Variants in KLHL29 observed in about 807,000 individuals in gnomAD.
KLHL29 encodes the protein kelch-like protein 29.
A neutral mutation model predicts 80.4 loss-of-function variants in KLHL29; 21 were observed. The ratio of observed to expected loss-of-function variants is 0.26; its 90% CI spans 0.19 to 0.38. The LOEUF (loss-of-function observed/expected upper bound fraction) is 0.38, where lower values mean the gene tolerates loss of function less well. Ranked by LOEUF, KLHL29 falls within the 10% of genes least tolerant of loss-of-function variation. The probability of loss-of-function intolerance (pLI) is 1.00; values close to 1 mark genes in which losing one functional copy is unlikely to be tolerated. For synonymous variants in KLHL29, 511 were observed against 526.8 expected (o/e 0.97, Z 0.41); for missense variants, 867 against 1,223.9 (o/e 0.71, Z 4.35).
intron 8 of KLHL29, 61 bp downstream of exon 8, chr2:23,693,589 G>C: frequency 6.7e-7 from 1 of 1,491,480 alleles, no homozygotes; most frequent in Non-Finnish European, 9.1e-7. Context: ...TGCGGCAATG[G>C]GGTCTGCAGC....
At chr2:23,649,228 C>T (rs1670021707) in intron 5 of KLHL29, among the ~76,000 whole-genome samples, 1 of 152,178 alleles carries the variant, frequency 6.6e-6, no homozygotes, top group Non-Finnish European at 1.5e-5. Flanking sequence ...CCTGACTTTC[C>T]AGCCCCCACT....
chr2:23,601,610 C>T (rs1003163075), intron 3 of KLHL29, among the ~76,000 whole-genome samples: 21 of 152,344 alleles, frequency 1.4e-4, no homozygotes, highest in South Asian at 6.2e-4. Context: ...GATGTCCTGA[C>T]ATCTTCTAGA....
intron 13 of KLHL29, among the ~76,000 whole-genome samples, chr2:23,705,907 CAGTG>C (rs984996646): frequency 1.3e-5 from 2 of 152,160 alleles, no homozygotes; most frequent in Admixed American, 1.3e-4. Flanking sequence ...AGGAGCAAGC[CAGTG>C]AGTGTCACAC....
chr2:23,612,360 G>A (rs950051711), intron 3 of KLHL29, among the ~76,000 whole-genome samples: 11 of 152,178 alleles, frequency 7.2e-5, no homozygotes, highest in Non-Finnish European at 1.3e-4. Context: ...TTGCCAGCTC[G>A]GAATTCTATA....
intron 3 of KLHL29, among the ~76,000 whole-genome samples, chr2:23,636,310 A>G (rs1184685775): frequency 2.0e-5 from 3 of 152,190 alleles, no homozygotes; most frequent in African/African-American, 7.2e-5. Context: ...AATAAAATAC[A>G]TAAAATTCCT....
At chr2:23,640,949 TGA>T (rs904550692) in intron 4 of KLHL29, among the ~76,000 whole-genome samples, 19 of 152,198 alleles carry the variant, frequency 1.2e-4, no homozygotes, top group African/African-American at 4.6e-4. Flanking sequence ...ATTTTCTTTC[TGA>T]GAGGGAGCTC....
intron 3 of KLHL29, among the ~76,000 whole-genome samples, chr2:23,615,552 G>C (rs1451448810): frequency 2.6e-5 from 4 of 152,162 alleles, no homozygotes; most frequent in Admixed American, 2.6e-4. Context: ...GAGCCGCACT[G>C]CCTCTCACGG....
chr2:23,436,693 C>T (rs1215429358), intron 1 of KLHL29, among the ~76,000 whole-genome samples: 2 of 152,212 alleles, frequency 1.3e-5, no homozygotes, highest in Non-Finnish European at 2.9e-5. Context: ...CTTGAAAATG[C>T]ATTGGAGATG....
intron 1 of KLHL29, among the ~76,000 whole-genome samples, chr2:23,392,773 G>A (rs1283137168): frequency 1.3e-5 from 2 of 152,172 alleles, no homozygotes; most frequent in East Asian, 3.8e-4. Flanking sequence ...ATGCGCCTAT[G>A]TCTTTGTTTT....
At chr2:23,504,051 C>CT (rs1397614807) in intron 2 of KLHL29, among the ~76,000 whole-genome samples, 1 of 152,052 alleles carries the variant, frequency 6.6e-6, no homozygotes, top group Non-Finnish European at 1.5e-5. Flanking sequence ...TCTGGACATC[C>CT]TACTGGGAGC....
At chr2:23,509,238 C>T (rs1020635553) in intron 2 of KLHL29, among the ~76,000 whole-genome samples, 6 of 152,142 alleles carry the variant, frequency 3.9e-5, no homozygotes, top group African/African-American at 1.2e-4. Flanking sequence ...ATTTCTGCCT[C>T]CACACTGCAA....
intron 1 of KLHL29, among the ~76,000 whole-genome samples, chr2:23,403,720 A>AGT (rs1166505896): frequency 5.7e-5 from 8 of 140,590 alleles, no homozygotes; most frequent in African/African-American, 2.3e-4. Context: ...AAAGAGAGAG[A>AGT]GAGAGAGTGT....
At chr2:23,418,451 C>T (rs1662669242) in intron 1 of KLHL29, among the ~76,000 whole-genome samples, 1 of 152,140 alleles carries the variant, frequency 6.6e-6, no homozygotes, top group African/African-American at 2.4e-5. Context: ...CTCGGAGGGA[C>T]CTGCAGACCC....
At chr2:23,607,294 C>T (rs190789848) in intron 3 of KLHL29, among the ~76,000 whole-genome samples, 24 of 152,256 alleles carry the variant, frequency 1.6e-4, no homozygotes, top group African/African-American at 5.5e-4. Context: ...CCAGACCACA[C>T]AGGAGCTCAG....
At chr2:23,546,512 G>A (rs546812236) in intron 2 of KLHL29, among the ~76,000 whole-genome samples, 11 of 152,056 alleles carry the variant, frequency 7.2e-5, no homozygotes, top group African/African-American at 1.2e-4. Flanking sequence ...AAAGGTATCC[G>A]GCACCCCCAC....
Position 23,681,908 on chromosome 2 carries a change from T to C in KLHL29, c.941-2491T>C, listed in dbSNP as rs2149188526. On this transcript the variant is annotated intron_variant, in intron 5 of 13. Coordinates refer to ENST00000486442, the MANE Select transcript of KLHL29 (RefSeq NM_052920.2). This position sits in a 1 kb window ranked among gnomAD's most constrained non-coding sequence, Gnocchi z 4.2. ...TCCAGCCTGGCCCTGCAACTGGCCC[T>C]GTGCTGTCTCCCCTCCGCCTGGGCT... Among the ~76,000 whole-genome samples, 1 of 152,290 alleles carries C rather than the reference T, an allele frequency of 6.6e-6. No homozygotes were observed. Among genetic ancestry groups the C allele is most frequent in the South Asian group, 2.1e-4 (1 of 4,830 alleles).
At chr2:23,619,827 A>G (rs1172900172) in intron 3 of KLHL29, among the ~76,000 whole-genome samples, 1 of 152,178 alleles carries the variant, frequency 6.6e-6, no homozygotes, top group Admixed American at 6.5e-5. Context: ...CACACTCCCA[A>G]CTTTTCCTGA....
chr2:23,678,126 C>T (rs1010380725), intron 5 of KLHL29, among the ~76,000 whole-genome samples: 16 of 152,198 alleles, frequency 1.1e-4, no homozygotes, highest in Admixed American at 6.5e-5. Context: ...TAACTTGTGT[C>T]GTTTGGTGAA....
intron 5 of KLHL29, among the ~76,000 whole-genome samples, chr2:23,677,071 TC>T (rs1670943933): frequency 6.6e-6 from 1 of 152,202 alleles, no homozygotes; most frequent in Middle Eastern, 3.2e-3. Context: ...AGGGAATATT[TC>T]TGTTAATTTT....
Sources: gnomAD v4.1 joint callset for allele counts (sites outside exome capture counted in the v4.1 genomes callset) on GRCh38, gnomAD v4.1.1 for gene constraint, Gnocchi (gnomAD v3.1) non-coding constraint, MANE v1.5 for transcripts, NCBI Gene and HGNC (gene_info 2026-07-23, HGNC 2026-07-21) for gene names.